PLAC8L1: variants seen among roughly 807,000 people sequenced by gnomAD.
PLAC8L1 encodes the protein PLAC8 like 1.
In PLAC8L1, 13 loss-of-function variants were observed where a neutral mutation model predicts 16.3. The observed-to-expected ratio is 0.80, with a 90% confidence interval of 0.52 to 1.27. The LOEUF (loss-of-function observed/expected upper bound fraction) is 1.27. PLAC8L1 is among the 50% of genes most tolerant of loss of function. The pLI, the probability that PLAC8L1 is intolerant of heterozygous loss-of-function variation, is 0.00. For missense variants in PLAC8L1, 184 were observed against 220.2 expected, an observed-to-expected ratio of 0.84 and a Z score of 1.04; for synonymous variants, 78 against 79.3, an observed-to-expected ratio of 0.98 and a Z score of 0.09.
intron 2 of PLAC8L1, among the ~76,000 whole-genome samples, chr5:146,094,828 T>C (rs1483859655): frequency 6.6e-6 from 1 of 152,262 alleles, no homozygotes; most frequent in Non-Finnish European, 1.5e-5. Context: ...GTTCATAATG[T>C]ACCCTTTGCT....
rs144849789 is a variant in PLAC8L1, at chr5:146,090,316, T to G, written c.257-4719A>C. ...TGAGAGGCCGAGGCGGGTGGATCAT[T>G]TGAGGTCAGGAGTTTGAGACCAGCC... On this transcript the variant is annotated intron_variant, in intron 2 of 3. Transcript: ENST00000311450. Among the ~76,000 whole-genome samples the G allele has an allele frequency of 2.2e-3, 336 of 151,832 alleles. 3 individuals carry two copies. The highest frequency in any genetic ancestry group is 7.9e-3 in the African/African-American group (327 of 41,444).
rs1339814658 is a variant in PLAC8L1, at chr5:146,104,511, T to C, written c.-200A>G. 1.2e-5 allele frequency: 6 copies of C among 484,194 alleles called. No homozygotes were observed. The highest frequency in any genetic ancestry group is 1.9e-5 in the Non-Finnish European group (5 of 267,112). 30.0% of individuals were successfully genotyped at this position (484,194 alleles called of 1,614,324 possible). On this transcript the variant is annotated 5_prime_UTR_variant, in exon 1 of 4. It removes an upstream start codon present in the reference 5' UTR. Coordinates refer to ENST00000311450, the MANE Select transcript of PLAC8L1 (RefSeq NM_001029869.3). ...AGGTATACACCTAACTGTGGACACA[T>C]TCATCTTACTAATCTGTAGGGAGAT...
In PLAC8L1 at chr5:146,085,638, T is replaced by A. The variant is rs747490070; in HGVS notation, c.257-41A>T. On this transcript the variant is annotated intron_variant, in intron 2 of 3. Coordinates refer to ENST00000311450, the MANE Select transcript of PLAC8L1 (RefSeq NM_001029869.3). ...TCCAAAAAGCCAAGGTTCTCAGATT[T>A]CTTGGAGCAACTTCACATCTCAAAG... 3.8e-6 allele frequency: 6 copies of A among 1,581,252 alleles called. No individual in the cohort carries two copies. The South Asian group carries it at 6.9e-5, about 18-fold the overall frequency.
intron 2 of PLAC8L1, among the ~76,000 whole-genome samples, chr5:146,097,571 T>C (rs1406100460): frequency 6.6e-6 from 1 of 152,230 alleles, no homozygotes; most frequent in Non-Finnish European, 1.5e-5. Context: ...ATGTGTTTCT[T>C]TAATGTAAAA....
intron 1 of PLAC8L1, chr5:146,103,796 G>A (rs12188581): frequency 0.28 from 271,738 of 984,970 alleles, 39,370 homozygotes; most frequent in Admixed American, 0.34. Context: ...TCACTCTTCC[G>A]TAATCACACT....
At chr5:146,101,131 A>C (rs1165033823) in intron 1 of PLAC8L1, among the ~76,000 whole-genome samples, 3 of 147,052 alleles carry the variant, frequency 2.0e-5, no homozygotes, top group Non-Finnish European at 4.5e-5. Flanking sequence ...TGGGAGGAAG[A>C]GGCTGCAATG....
chr5:146,089,220 A>T (rs1286673975), intron 2 of PLAC8L1, among the ~76,000 whole-genome samples: 1 of 152,192 alleles, frequency 6.6e-6, no homozygotes, highest in Non-Finnish European at 1.5e-5. Context: ...TCATATAATC[A>T]TGTTATCTAA....
intron 2 of PLAC8L1, among the ~76,000 whole-genome samples, chr5:146,096,340 CA>C (rs1289442580): frequency 1.3e-5 from 2 of 152,180 alleles, no homozygotes; most frequent in African/African-American, 4.8e-5. Flanking sequence ...AAGTCACATT[CA>C]GAGGTTCCAG....
intron 1 of PLAC8L1, among the ~76,000 whole-genome samples, chr5:146,102,077 A>G (rs1159891562): frequency 2.4e-5 from 3 of 125,844 alleles, no homozygotes; most frequent in Non-Finnish European, 5.4e-5. Context: ...TTTTTTTGAA[A>G]CAGGGTCTTG....
intron 1 of PLAC8L1, among the ~76,000 whole-genome samples, chr5:146,101,059 T>C (rs1193757918): frequency 3.3e-5 from 5 of 152,050 alleles, no homozygotes; most frequent in Admixed American, 6.6e-5. Flanking sequence ...AAGCCAGGCA[T>C]GGTGGCACGC....
At chr5:146,095,506 C>A (rs1334947295) in intron 2 of PLAC8L1, among the ~76,000 whole-genome samples, 1 of 152,138 alleles carries the variant, frequency 6.6e-6, no homozygotes, top group African/African-American at 2.4e-5. Flanking sequence ...ATGTAGAAAT[C>A]ATTCTGCAGA....
intron 2 of PLAC8L1, among the ~76,000 whole-genome samples, chr5:146,095,408 A>G (rs1437149397): frequency 6.6e-6 from 1 of 152,210 alleles, no homozygotes; most frequent in Non-Finnish European, 1.5e-5. Context: ...TTGAGAGCAG[A>G]GGTGAGCAGT....
chr5:146,098,686 TC>T (rs1411654747), intron 1 of PLAC8L1, among the ~76,000 whole-genome samples: 1 of 152,226 alleles, frequency 6.6e-6, no homozygotes, highest in Non-Finnish European at 1.5e-5. Flanking sequence ...AAAAACTACC[TC>T]ATGAGATTAT....
At chr5:146,102,110 G>C (rs1032651258) in intron 1 of PLAC8L1, among the ~76,000 whole-genome samples, 1 of 143,244 alleles carries the variant, frequency 7.0e-6, no homozygotes, top group Non-Finnish European at 1.5e-5. Context: ...GGCTGGAGTT[G>C]AGCGGCATGA....
At chr5:146,095,919 T>C (rs889755914) in intron 2 of PLAC8L1, among the ~76,000 whole-genome samples, 2 of 152,250 alleles carry the variant, frequency 1.3e-5, no homozygotes, top group Non-Finnish European at 2.9e-5. Context: ...CCTGGCTCAT[T>C]GATTCCGGGA....
rs976039090 is a variant in PLAC8L1 at position 146,084,771 on chromosome 5, G to A, written c.394-199C>T. Among the ~76,000 whole-genome samples, 11 of 152,340 alleles carry A rather than the reference G, an allele frequency of 7.2e-5. No individual in the cohort carries two copies. In the South Asian group the frequency reaches 8.3e-4, roughly 11 times the overall value. On this transcript the variant is annotated intron_variant, in intron 3 of 3. Transcript: ENST00000311450. The stretch of plus-strand genomic sequence containing the variant: ...CTAATCAATGCCTGCGATTCAGAGC[G>A]CTGCCCTTAGGACCTCTGATATGGG...
At chr5:146,087,686 C>T (rs550230464) in intron 2 of PLAC8L1, among the ~76,000 whole-genome samples, 1 of 152,122 alleles carries the variant, frequency 6.6e-6, no homozygotes, top group South Asian at 2.1e-4. Flanking sequence ...ACCACCACAT[C>T]CAGTGTATTA....
chr5:146,100,379 T>C (rs1420716814), intron 1 of PLAC8L1, among the ~76,000 whole-genome samples: 3 of 152,160 alleles, frequency 2.0e-5, no homozygotes, highest in Non-Finnish European at 2.9e-5. Flanking sequence ...TTAGGCATTG[T>C]AGACAGTTCT....
chr5:146,092,899 GT>G (rs573575869), intron 2 of PLAC8L1, among the ~76,000 whole-genome samples: 3 of 150,578 alleles, frequency 2.0e-5, no homozygotes, highest in African/African-American at 4.9e-5. Context: ...ACCTAGGTAT[GT>G]TTTTTTTTCC....
Sources: allele counts gnomAD v4.1 joint callset (sites outside exome capture counted in the v4.1 genomes callset), GRCh38; gene constraint gnomAD v4.1.1; transcripts MANE v1.5; gene names NCBI Gene and HGNC (gene_info 2026-07-23, HGNC 2026-07-21).